NRXN1: variants seen among roughly 807,000 people sequenced by gnomAD.
NRXN1 encodes neurexin-1.
A neutral mutation model predicts 150.9 loss-of-function variants in NRXN1; 39 were observed. That is an observed-to-expected ratio of 0.26 (90% CI 0.20 to 0.34). The LOEUF (loss-of-function observed/expected upper bound fraction) is 0.34, where lower values mean the gene tolerates loss of function less well. Among genes scored for constraint, NRXN1 ranks in the 10% least tolerant of loss-of-function variants. The pLI, the probability that NRXN1 is intolerant of heterozygous loss-of-function variation, is 1.00. For missense variants in NRXN1, 1,815 were observed against 1,949.9 expected, an observed-to-expected ratio of 0.93 and a Z score of 1.30; for synonymous variants, 924 against 757.0, an observed-to-expected ratio of 1.22 and a Z score of -3.62.
intron 17 of NRXN1, among the ~76,000 whole-genome samples, chr2:50,278,953 T>C (rs1225713870): frequency 6.6e-6 from 1 of 152,218 alleles, no homozygotes; most frequent in African/African-American, 2.4e-5. Context: ...AAAATAAAAA[T>C]GACATGCTTA....
intron 18 of NRXN1, among the ~76,000 whole-genome samples, chr2:50,218,594 G>C (rs2063567303): frequency 6.6e-6 from 1 of 150,854 alleles, no homozygotes; most frequent in Non-Finnish European, 1.5e-5. Flanking sequence ...CCACGGTTTT[G>C]GAGAAAAATA....
At chr2:50,335,436 G>C (rs1170147583) in intron 17 of NRXN1, among the ~76,000 whole-genome samples, 2 of 152,124 alleles carry the variant, frequency 1.3e-5, no homozygotes, top group Admixed American at 6.5e-5. Context: ...AGATAGCTTT[G>C]TGTTTGCTGA....
intron 18 of NRXN1, among the ~76,000 whole-genome samples, chr2:50,221,011 G>T (rs2063842209): frequency 1.3e-5 from 2 of 152,028 alleles, no homozygotes; most frequent in Non-Finnish European, 1.5e-5. Context: ...TGTTATCAAT[G>T]TCCATATTGC....
chr2:50,623,305 C>T lies in NRXN1; in HGVS notation c.1134+9G>A, dbSNP rs202149707. On this transcript the variant is annotated intron_variant, in intron 6 of 22. Transcript: ENST00000401669. ...AAGCCAGTTACTCTCTTATCCACTG[C>T]GCTGTTACCTGACGCAGATTCCTGG... 27 of 1,609,512 alleles carry T rather than the reference C, an allele frequency of 1.7e-5. 1 individual carries two copies. Among genetic ancestry groups the T allele is most frequent in the African/African-American group, 1.5e-4 (11 of 74,882 alleles).
At chr2:50,112,343 T>C (rs1702484419) in intron 18 of NRXN1, among the ~76,000 whole-genome samples, 1 of 152,186 alleles carries the variant, frequency 6.6e-6, no homozygotes, top group African/African-American at 2.4e-5. Context: ...GAAATTTACA[T>C]AGGAGGCAAA....
At chr2:50,666,378 C>T (rs1296145596) in intron 5 of NRXN1, among the ~76,000 whole-genome samples, 1 of 151,876 alleles carries the variant, frequency 6.6e-6, no homozygotes, top group African/African-American at 2.4e-5. Context: ...ATTTTTCTTT[C>T]ATTTCTCTTA....
intron 18 of NRXN1, among the ~76,000 whole-genome samples, chr2:50,099,215 T>TA (rs1260268205): frequency 6.6e-6 from 1 of 152,092 alleles, no homozygotes; most frequent in Admixed American, 6.6e-5. Flanking sequence ...TGTTAGTTTT[T>TA]ATATGCCCAT....
intron 21 of NRXN1, among the ~76,000 whole-genome samples, chr2:49,996,837 AT>A (rs1479031728): frequency 1.3e-5 from 2 of 152,162 alleles, no homozygotes; most frequent in Non-Finnish European, 2.9e-5. Context: ...AAGCCACTAT[AT>A]TTTTGGTAAA....
chr2:50,049,353 G>A (rs1573607153), intron 21 of NRXN1, among the ~76,000 whole-genome samples: 1 of 152,072 alleles, frequency 6.6e-6, no homozygotes, highest in East Asian at 1.9e-4. Flanking sequence ...TCTTAGAGCT[G>A]AGTACAACTT....
intron 2 of NRXN1, among the ~76,000 whole-genome samples, chr2:50,979,599 C>A (rs532019771): frequency 6.6e-6 from 1 of 152,104 alleles, no homozygotes; most frequent in Admixed American, 6.6e-5. Context: ...AAATGATATG[C>A]CTACTATGCA....
At chr2:50,689,203 C>G (rs182482206) in intron 5 of NRXN1, among the ~76,000 whole-genome samples, 1 of 152,014 alleles carries the variant, frequency 6.6e-6, no homozygotes, top group Admixed American at 6.6e-5. Context: ...ACTGGAGAGA[C>G]ACAAGAAAAC....
chr2:50,052,973 A>G (rs1193857850), intron 21 of NRXN1, among the ~76,000 whole-genome samples: 4 of 152,196 alleles, frequency 2.6e-5, no homozygotes, highest in Non-Finnish European at 5.9e-5. Flanking sequence ...TGAAAATCCT[A>G]TGTAATTAGC....
chr2:50,534,669 A>C (rs1334124095), intron 10 of NRXN1, among the ~76,000 whole-genome samples: 1 of 152,332 alleles, frequency 6.6e-6, no homozygotes, highest in South Asian at 2.1e-4. Flanking sequence ...AAAGTGTAAA[A>C]GTCATTATCA....
At chr2:49,976,042 A>G (rs1678912872) in intron 21 of NRXN1, among the ~76,000 whole-genome samples, 1 of 76,210 alleles carries the variant, frequency 1.3e-5, no homozygotes. Flanking sequence ...TTTTTTTTTG[A>G]GATGGAGTCT....
At position 50,827,956 on chromosome 2, in the gene NRXN1, A is replaced by G. The variant is rs1191065115; in HGVS notation, c.832+93913T>C. On this transcript the variant is annotated intron_variant, in intron 5 of 22. Coordinates refer to ENST00000401669, the MANE Select transcript of NRXN1 (RefSeq NM_001330078.2). The stretch of plus-strand genomic sequence containing the variant: ...CAGATCAACAGGATCCCAAGGCAGA[A>G]GAATTTTTCTTAGTACAGAACGAAA... 1.2e-4 allele frequency among the ~76,000 whole-genome samples: 18 copies of G among 145,286 alleles called. No individual in the cohort carries two copies. The South Asian group carries it at 1.8e-3, about 15-fold the overall frequency.
At chr2:50,756,385 C>G (rs1173805913) in intron 5 of NRXN1, among the ~76,000 whole-genome samples, 1 of 151,476 alleles carries the variant, frequency 6.6e-6, no homozygotes, top group Non-Finnish European at 1.5e-5. Context: ...GTACATTAAA[C>G]AGCATTTGTT....
At chr2:50,110,417 G>A (rs1342805143) in intron 18 of NRXN1, among the ~76,000 whole-genome samples, 1 of 150,988 alleles carries the variant, frequency 6.6e-6, no homozygotes, top group African/African-American at 2.4e-5. Flanking sequence ...GCGTGAAGCC[G>A]GGAGGCGGAG....
chr2:50,546,250 T>C (rs1402939193), intron 9 of NRXN1, among the ~76,000 whole-genome samples: 1 of 152,166 alleles, frequency 6.6e-6, no homozygotes, highest in African/African-American at 2.4e-5. Context: ...CACCCTTATC[T>C]CAGTTAAATG....
chr2:50,237,952 A>G (rs1322626050), intron 17 of NRXN1, among the ~76,000 whole-genome samples: 2 of 151,886 alleles, frequency 1.3e-5, no homozygotes, highest in Non-Finnish European at 2.9e-5. Flanking sequence ...TAAGTGTTTG[A>G]CATTTCCTCC....
Sources: allele counts gnomAD v4.1 joint callset (sites outside exome capture counted in the v4.1 genomes callset), GRCh38; gene constraint gnomAD v4.1.1; transcripts MANE v1.5; gene names NCBI Gene and HGNC (gene_info 2026-07-23, HGNC 2026-07-21).